Variants in STARD13 observed in about 807,000 individuals in gnomAD.
The protein encoded by STARD13 is stAR-related lipid transfer protein 13.
A neutral mutation model predicts 106.4 loss-of-function variants in STARD13; 62 were observed. The ratio of observed to expected loss-of-function variants is 0.58; its 90% CI spans 0.48 to 0.72. STARD13 has a LOEUF of 0.72. STARD13 is among the 30% of genes least tolerant of loss of function. The probability of loss-of-function intolerance (pLI) is 0.00; values close to 1 mark genes in which losing one functional copy is unlikely to be tolerated. For missense variants in STARD13, 1,387 were observed against 1,424.0 expected, an observed-to-expected ratio of 0.97 and a Z score of 0.42; for synonymous variants, 565 against 553.0, an observed-to-expected ratio of 1.02 and a Z score of -0.31.
chr13:33,311,362 T>A (rs577563893), intron 1 of STARD13, among the ~76,000 whole-genome samples: 14 of 152,174 alleles, frequency 9.2e-5, no homozygotes, highest in East Asian at 5.8e-4. Context: ...TCCATTATAA[T>A]CTTATGGAAA....
the STARD13 span, among the ~76,000 whole-genome samples, chr13:33,597,989 T>G: frequency 6.6e-6 from 1 of 152,308 alleles, no homozygotes; most frequent in East Asian, 1.9e-4. Context: ...AATAAGTGAG[T>G]GCCTGAATGA....
At chr13:33,623,730 G>A in the STARD13 span, among the ~76,000 whole-genome samples, 15 of 150,772 alleles carry the variant, frequency 9.9e-5, no homozygotes, top group South Asian at 8.4e-4. Flanking sequence ...TTACATCTAC[G>A]TATTTAATTA....
chr13:33,195,369 A>G (rs952806896), intron 1 of STARD13, among the ~76,000 whole-genome samples: 4 of 152,234 alleles, frequency 2.6e-5, no homozygotes, highest in African/African-American at 4.8e-5. Flanking sequence ...CGGGAAAAAT[A>G]CAAAGTGAAC....
the STARD13 span, among the ~76,000 whole-genome samples, chr13:33,558,750 C>T: frequency 1.3e-5 from 2 of 151,140 alleles, no homozygotes; most frequent in Non-Finnish European, 2.9e-5. Flanking sequence ...TAAGAAGTCA[C>T]TCCCATATAA....
the STARD13 span, among the ~76,000 whole-genome samples, chr13:33,592,303 G>T: frequency 6.6e-6 from 1 of 152,132 alleles, no homozygotes; most frequent in Non-Finnish European, 1.5e-5. Context: ...CCTTTAGTTT[G>T]TATCAGTTTT....
chr13:33,167,015 C>CAAAAAAAAA (rs1010175989), intron 2 of STARD13, among the ~76,000 whole-genome samples: 2 of 139,248 alleles, frequency 1.4e-5, no homozygotes, highest in African/African-American at 2.8e-5. Context: ...AAAAAAAAAC[C>CAAAAAAAAA]AAAAAAAAAT....
At chr13:33,346,769 A>G (rs2078021750), downstream of STARD13, among the ~76,000 whole-genome samples, 1 of 151,788 alleles carries the variant, frequency 6.6e-6, no homozygotes, top group African/African-American at 2.4e-5. Flanking sequence ...AGCTGGGACT[A>G]CAGGTGCATG....
chr13:33,430,406 T>G, the STARD13 span, among the ~76,000 whole-genome samples: 1 of 152,232 alleles, frequency 6.6e-6, no homozygotes, highest in South Asian at 2.1e-4. Context: ...AGAATACATT[T>G]TTAAAAGACA....
At chr13:33,637,370 C>T in the STARD13 span, among the ~76,000 whole-genome samples, 1 of 152,252 alleles carries the variant, frequency 6.6e-6, no homozygotes, top group African/African-American at 2.4e-5. Flanking sequence ...ATCTTAGAAG[C>T]TGAAATAGTC....
intron 1 of STARD13, among the ~76,000 whole-genome samples, chr13:33,175,180 A>G (rs1371676781): frequency 6.6e-6 from 1 of 152,194 alleles, no homozygotes; most frequent in Admixed American, 6.5e-5. Flanking sequence ...CATGAAGCAG[A>G]GTAGTTCTTT....
At chr13:33,650,394 T>A in the STARD13 span, among the ~76,000 whole-genome samples, 2 of 150,658 alleles carry the variant, frequency 1.3e-5, no homozygotes, top group Non-Finnish European at 3.0e-5. Context: ...GTTTCACCGT[T>A]TTAGCCGGGA....
At chr13:33,540,944 T>C in the STARD13 span, among the ~76,000 whole-genome samples, 5 of 152,196 alleles carry the variant, frequency 3.3e-5, no homozygotes, top group Non-Finnish European at 5.9e-5. Flanking sequence ...GATAAATGCA[T>C]GCAGGAGTTC....
the STARD13 span, among the ~76,000 whole-genome samples, chr13:33,530,409 T>C: frequency 3.9e-5 from 6 of 152,236 alleles, no homozygotes; most frequent in Non-Finnish European, 7.3e-5. Flanking sequence ...CTGAGATGCA[T>C]CTTTATGTGT....
chr13:33,186,153 AC>A, intron 1 of STARD13: 1 of 1,065,634 alleles, frequency 9.4e-7, no homozygotes, highest in South Asian at 1.8e-5. Context: ...CCAAGCCTCC[AC>A]ACTTCCTTTC....
the STARD13 span, among the ~76,000 whole-genome samples, chr13:33,571,902 A>G: frequency 3.9e-5 from 6 of 152,196 alleles, no homozygotes; most frequent in Non-Finnish European, 7.4e-5. Flanking sequence ...GGTACCAAGA[A>G]AACCCCACTG....
At chr13:33,213,658 C>A (rs574096633) in intron 1 of STARD13, among the ~76,000 whole-genome samples, 3 of 152,234 alleles carry the variant, frequency 2.0e-5, no homozygotes, top group Non-Finnish European at 1.5e-5. Flanking sequence ...AAGCCAATTT[C>A]ATGCATTGTG....
At chr13:33,175,810 C>T (rs938649383) in intron 1 of STARD13, among the ~76,000 whole-genome samples, 13 of 152,120 alleles carry the variant, frequency 8.5e-5, no homozygotes, top group African/African-American at 2.2e-4. Flanking sequence ...TAAAAAAATG[C>T]GTGTTTTTAG....
the STARD13 span, among the ~76,000 whole-genome samples, chr13:33,670,773 G>A: frequency 2.0e-5 from 3 of 152,284 alleles, no homozygotes; most frequent in East Asian, 1.9e-4. Context: ...CACCCTCTAC[G>A]TAAGTTCATT....
At chr13:33,601,376 C>T in the STARD13 span, among the ~76,000 whole-genome samples, 2 of 152,092 alleles carry the variant, frequency 1.3e-5, no homozygotes, top group Non-Finnish European at 2.9e-5. Flanking sequence ...AGGTTCACAT[C>T]AAACCCTTAC....
Sources: gnomAD v4.1 joint callset for allele counts (sites outside exome capture counted in the v4.1 genomes callset) on GRCh38, gnomAD v4.1.1 for gene constraint, MANE v1.5 for transcripts, NCBI Gene and HGNC (gene_info 2026-07-23, HGNC 2026-07-21) for gene names.